Variants in NPAS3 observed in about 807,000 individuals in gnomAD.
NPAS3 encodes the protein neuronal PAS domain-containing protein 3.
In NPAS3, 14 loss-of-function variants were observed where a neutral mutation model predicts 73.1. The ratio of observed to expected loss-of-function variants is 0.19; its 90% CI spans 0.13 to 0.30. The LOEUF is 0.30. Among genes scored for constraint, NPAS3 ranks in the 10% least tolerant of loss-of-function variants. NPAS3 has a pLI of 1.00. For synonymous variants in NPAS3, 620 were observed against 541.5 expected (o/e 1.14, Z -2.01); for missense variants, 1,096 against 1,250.0 (o/e 0.88, Z 1.86).
chr14:33,770,615 T>C (rs905607033), intron 7 of NPAS3, among the ~76,000 whole-genome samples: 1 of 152,132 alleles, frequency 6.6e-6, no homozygotes, highest in African/African-American at 2.4e-5. Flanking sequence ...GTTAACTTTA[T>C]TCAGAAAAAA....
At chr14:33,080,541 T>C (rs1341889992) in intron 2 of NPAS3, among the ~76,000 whole-genome samples, 1 of 152,200 alleles carries the variant, frequency 6.6e-6, no homozygotes, top group Non-Finnish European at 1.5e-5. Context: ...AATAGCCAAG[T>C]TCAGAGAAGC....
chr14:33,572,948 G>A lies in NPAS3; in HGVS notation c.558+12738G>A, dbSNP rs188147597. On this transcript the variant is annotated intron_variant, in intron 5 of 11. Transcript: ENST00000356141. ...TGAGGCAGGAGAATCGCTTAACCCC[G>A]GGAAGCGGAGGTTGCAGTGAGCCGA... Among the ~76,000 whole-genome samples, 356 of 146,260 alleles carry A rather than the reference G, an allele frequency of 2.4e-3. 3 individuals are homozygous for A. The highest frequency in any genetic ancestry group is 8.6e-3 in the African/African-American group (337 of 39,272).
At chr14:33,464,792 G>T (rs763823559) in intron 4 of NPAS3, among the ~76,000 whole-genome samples, 1 of 152,200 alleles carries the variant, frequency 6.6e-6, no homozygotes, top group African/African-American at 2.4e-5. Context: ...ATGATGCCAA[G>T]TGCAAAGCCC....
At chr14:33,587,940 A>G (rs2056923973) in intron 5 of NPAS3, among the ~76,000 whole-genome samples, 1 of 152,240 alleles carries the variant, frequency 6.6e-6, no homozygotes, top group Non-Finnish European at 1.5e-5. Context: ...CAAATGTTTG[A>G]TAAACCTGAT....
At chr14:33,763,497 T>G (rs895442601) in intron 7 of NPAS3, among the ~76,000 whole-genome samples, 1 of 152,150 alleles carries the variant, frequency 6.6e-6, no homozygotes, top group African/African-American at 2.4e-5. Context: ...GCTTTGTACT[T>G]AAAGAGACTG....
intron 4 of NPAS3, among the ~76,000 whole-genome samples, chr14:33,459,150 A>C (rs2050147484): frequency 6.6e-6 from 1 of 152,178 alleles, no homozygotes. Context: ...GAGGACGACC[A>C]GAGGTCACTC....
intron 4 of NPAS3, among the ~76,000 whole-genome samples, chr14:33,439,473 C>CT (rs1192731180): frequency 6.6e-6 from 1 of 152,202 alleles, no homozygotes; most frequent in Non-Finnish European, 1.5e-5. Context: ...GAGGCATGAA[C>CT]TTGACCTACG....
At chr14:33,080,862 T>C (rs1158108453) in intron 2 of NPAS3, among the ~76,000 whole-genome samples, 3 of 152,224 alleles carry the variant, frequency 2.0e-5, no homozygotes, top group African/African-American at 7.2e-5. Flanking sequence ...ACTCTGATTT[T>C]TAGTTAAAAG....
intron 2 of NPAS3, among the ~76,000 whole-genome samples, chr14:33,187,899 A>T (rs1392955772): frequency 6.6e-6 from 1 of 152,190 alleles, no homozygotes; most frequent in Admixed American, 6.5e-5. Context: ...AATCTAAGAT[A>T]TATTTTCTCT....
At chr14:33,037,186 A>T (rs1488661232) in intron 1 of NPAS3, among the ~76,000 whole-genome samples, 1 of 152,292 alleles carries the variant, frequency 6.6e-6, no homozygotes, top group South Asian at 2.1e-4. Flanking sequence ...ATTAGGTTTT[A>T]AAAAATGTTA....
intron 2 of NPAS3, among the ~76,000 whole-genome samples, chr14:33,175,043 T>C (rs2045535882): frequency 6.6e-6 from 1 of 152,232 alleles, no homozygotes; most frequent in African/African-American, 2.4e-5. Flanking sequence ...ATTTTAGTAT[T>C]GTAGATATGT....
chr14:33,681,839 A>G (rs1400526451), intron 6 of NPAS3, among the ~76,000 whole-genome samples: 1 of 151,898 alleles, frequency 6.6e-6, no homozygotes, highest in African/African-American at 2.4e-5. Context: ...CATTCACACT[A>G]GATTTATACT....
chr14:33,358,640 A>G (rs1330456912), intron 3 of NPAS3, among the ~76,000 whole-genome samples: 1 of 152,072 alleles, frequency 6.6e-6, no homozygotes, highest in Non-Finnish European at 1.5e-5. Flanking sequence ...CTTTTATTGC[A>G]TATTGTTCAT....
intron 1 of NPAS3, among the ~76,000 whole-genome samples, chr14:32,945,714 CCT>C (rs1281938701): frequency 2.6e-5 from 4 of 152,154 alleles, no homozygotes; most frequent in Non-Finnish European, 5.9e-5. Flanking sequence ...GAACGATAGC[CCT>C]CTGTTTTGGT....
chr14:33,432,062 G>A (rs190160760), intron 4 of NPAS3, among the ~76,000 whole-genome samples: 306 of 152,242 alleles, frequency 2.0e-3, no homozygotes, highest in African/African-American at 7.0e-3. Flanking sequence ...ATGAGAATCA[G>A]TATATAAAGA....
chr14:33,446,138 C>T (rs1200763983), intron 4 of NPAS3, among the ~76,000 whole-genome samples: 1 of 150,362 alleles, frequency 6.7e-6, no homozygotes, highest in Non-Finnish European at 1.5e-5. Context: ...TTATTTTTTC[C>T]ATCTTCTCTA....
intron 4 of NPAS3, among the ~76,000 whole-genome samples, chr14:33,445,325 C>T (rs143133783): frequency 0.011 from 1,738 of 152,268 alleles, 12 homozygotes; most frequent in Non-Finnish European, 0.018. Context: ...ACTAAGTATT[C>T]GTAGCAAAAC....
intron 5 of NPAS3, among the ~76,000 whole-genome samples, chr14:33,632,759 A>G (rs2058416570): frequency 6.6e-6 from 1 of 152,164 alleles, no homozygotes; most frequent in Admixed American, 6.5e-5. Flanking sequence ...ACCAACTCAT[A>G]CTGGAGAGTA....
chr14:33,377,571 C>G (rs927985622), intron 4 of NPAS3, among the ~76,000 whole-genome samples: 1 of 152,242 alleles, frequency 6.6e-6, no homozygotes, highest in Non-Finnish European at 1.5e-5. Flanking sequence ...GAAGGATGTT[C>G]ATAATGATGT....
Sources: allele counts gnomAD v4.1 joint callset (sites outside exome capture counted in the v4.1 genomes callset), GRCh38; gene constraint gnomAD v4.1.1; transcripts MANE v1.5; gene names NCBI Gene and HGNC (gene_info 2026-07-23, HGNC 2026-07-21).